The following ENPP6 variants were observed in gnomAD, a reference collection of about 807,000 sequenced individuals.
ENPP6 encodes glycerophosphocholine cholinephosphodiesterase ENPP6.
ENPP6 carries 32 observed loss-of-function variants against 42.0 expected under a neutral mutation model. That is an observed-to-expected ratio of 0.76 (90% CI 0.58 to 1.02). The LOEUF (loss-of-function observed/expected upper bound fraction) is 1.02. ENPP6 is among the 50% of genes least tolerant of loss of function. ENPP6 has a pLI of 0.00. For synonymous variants in ENPP6, 213 were observed against 216.0 expected, an observed-to-expected ratio of 0.99 and a Z score of 0.12; for missense variants, 552 against 566.8, an observed-to-expected ratio of 0.97 and a Z score of 0.27.
chr4:184,113,605 A>G (rs1316981789), intron 5 of ENPP6, among the ~76,000 whole-genome samples: 1 of 152,260 alleles, frequency 6.6e-6, no homozygotes, highest in Non-Finnish European at 1.5e-5. Context: ...GGAAAGTAAG[A>G]AATTGGTCTA....
At chr4:184,109,656 A>G (rs1444493266) in intron 6 of ENPP6, among the ~76,000 whole-genome samples, 1 of 152,130 alleles carries the variant, frequency 6.6e-6, no homozygotes, top group African/African-American at 2.4e-5. Context: ...TAAAGTTTCT[A>G]CTTCACTTAT....
intron 1 of ENPP6, among the ~76,000 whole-genome samples, chr4:184,187,892 C>A (rs1261572894): frequency 6.6e-6 from 1 of 152,174 alleles, no homozygotes. Context: ...TTACACATAG[C>A]AAGCTCTGAA....
Position 184,124,150 on chromosome 4 carries a change from G to A in ENPP6, c.533+11C>T. ...GAAGAAAATGGTGTGGCTAGAGTTT[G>A]GGACACTTACTTGAAGGAGTCAAGA... On this transcript the variant is annotated intron_variant, in intron 3 of 7. Transcript: ENST00000296741. 2 of 1,602,508 alleles carry A rather than the reference G, an allele frequency of 1.2e-6. No homozygotes were observed. Among genetic ancestry groups the A allele is most frequent in the African/African-American group, 1.3e-5 (1 of 74,832 alleles).
intron 1 of ENPP6, among the ~76,000 whole-genome samples, chr4:184,207,052 G>C (rs56221885): frequency 6.6e-6 from 1 of 152,200 alleles, no homozygotes; most frequent in African/African-American, 2.4e-5. Flanking sequence ...TCTGATGCCT[G>C]CTCCCCCATC....
At chr4:184,108,614 TA>T in intron 6 of ENPP6, among the ~76,000 whole-genome samples, 1 of 152,338 alleles carries the variant, frequency 6.6e-6, no homozygotes, top group East Asian at 1.9e-4. Flanking sequence ...AATGTTATAT[TA>T]AAGTAGAATC....
At chr4:184,167,495 T>C (rs1921561) in intron 1 of ENPP6, among the ~76,000 whole-genome samples, 49,552 of 152,060 alleles carry the variant, frequency 0.33, 8,620 homozygotes, top group East Asian at 0.53. Context: ...CGGGAATTGA[T>C]AGAGAATGAT....
chr4:184,175,858 C>T (rs754237978), intron 1 of ENPP6, among the ~76,000 whole-genome samples: 4 of 152,096 alleles, frequency 2.6e-5, no homozygotes, highest in African/African-American at 2.4e-5. Context: ...CTAGGTGCAC[C>T]GGGTCAGATG....
intron 1 of ENPP6, among the ~76,000 whole-genome samples, chr4:184,180,161 C>T (rs1043979156): frequency 4.6e-5 from 7 of 152,014 alleles, no homozygotes; most frequent in African/African-American, 1.7e-4. Flanking sequence ...ATCAAATAGA[C>T]ACAATACAAA....
At chr4:184,155,393 G>A (rs1217885583) in intron 1 of ENPP6, among the ~76,000 whole-genome samples, 1 of 152,168 alleles carries the variant, frequency 6.6e-6, no homozygotes, top group Non-Finnish European at 1.5e-5. Context: ...GTAGGAAAAG[G>A]CCTCCTTCGT....
At chr4:184,114,616 A>T (rs1312149734) in intron 5 of ENPP6, among the ~76,000 whole-genome samples, 5 of 152,146 alleles carry the variant, frequency 3.3e-5, no homozygotes, top group Admixed American at 3.3e-4. Flanking sequence ...CCCGCTTTTG[A>T]ATACTCTACC....
At chr4:184,139,237 T>A (rs1332887794) in intron 2 of ENPP6, among the ~76,000 whole-genome samples, 2 of 152,018 alleles carry the variant, frequency 1.3e-5, no homozygotes, top group Non-Finnish European at 2.9e-5. Context: ...CGGCCAGCAA[T>A]AAATGACAAT....
chr4:184,131,252 CT>C (rs796199766), intron 2 of ENPP6, among the ~76,000 whole-genome samples: 4,499 of 80,966 alleles, frequency 0.056, 557 homozygotes, highest in South Asian at 0.091. Flanking sequence ...TTCTTTCTTT[CT>C]CTTTCTCTTC....
chr4:184,194,405 G>T (rs1579659378), intron 1 of ENPP6, among the ~76,000 whole-genome samples: 1 of 152,300 alleles, frequency 6.6e-6, no homozygotes, highest in East Asian at 1.9e-4. Context: ...AATGTTTCTG[G>T]CAGGGAGGAA....
chr4:184,156,737 C>T (rs1182126159), intron 1 of ENPP6, among the ~76,000 whole-genome samples: 2 of 152,238 alleles, frequency 1.3e-5, no homozygotes, highest in African/African-American at 2.4e-5. Context: ...CTCCTGGAAT[C>T]GTTCCCATAG....
At chr4:184,135,693 A>T (rs1176494072) in intron 2 of ENPP6, among the ~76,000 whole-genome samples, 2 of 87,470 alleles carry the variant, frequency 2.3e-5, no homozygotes, top group Non-Finnish European at 5.5e-5. Context: ...AAAGTGAATA[A>T]TTCATAAGGG....
intron 5 of ENPP6, among the ~76,000 whole-genome samples, chr4:184,113,975 C>CTTTCTTTCTTTT (rs1736273064): frequency 8.5e-6 from 1 of 118,306 alleles, no homozygotes; most frequent in African/African-American, 3.2e-5. Context: ...CTCTTTCTTT[C>CTTTCTTTCTTTT]TTTCTTTTTG....
At chr4:184,167,542 A>G (rs1329458345) in intron 1 of ENPP6, among the ~76,000 whole-genome samples, 1 of 152,210 alleles carries the variant, frequency 6.6e-6, no homozygotes, top group African/African-American at 2.4e-5. Context: ...CTAATCAGGG[A>G]CGTTACCAGC....
rs562122602 is a variant in ENPP6, at chr4:184,138,063, G to A, written c.422-13791C>T. ...AATAAATAATTTTTAAACATAAAAG[G>A]TTACAATTTTAGAAATTATCTTTAC... On this transcript the variant is annotated intron_variant, in intron 2 of 7. Transcript: ENST00000296741. Among the ~76,000 whole-genome samples, 6 of 152,274 alleles carry A rather than the reference G, an allele frequency of 3.9e-5. No homozygotes were observed. The East Asian group carries it at 1.2e-3, about 29-fold the overall frequency.
At chr4:184,163,542 G>A (rs564162234) in intron 1 of ENPP6, among the ~76,000 whole-genome samples, 6 of 151,800 alleles carry the variant, frequency 4.0e-5, no homozygotes, top group East Asian at 3.9e-4. Context: ...GAAAGCTCTC[G>A]GTTTAAAAAA....
Sources: gnomAD v4.1 joint callset for allele counts (sites outside exome capture counted in the v4.1 genomes callset) on GRCh38, gnomAD v4.1.1 for gene constraint, MANE v1.5 for transcripts, NCBI Gene and HGNC (gene_info 2026-07-23, HGNC 2026-07-21) for gene names.